The following R3HDM1 variants were observed in gnomAD, a reference collection of about 807,000 sequenced individuals.
R3HDM1 encodes the protein R3H domain-containing protein 1.
R3HDM1 carries 46 observed loss-of-function variants against 141.1 expected under a neutral mutation model. That is an observed-to-expected ratio of 0.33 (90% CI 0.26 to 0.42). R3HDM1 has a LOEUF of 0.42. Among genes scored for constraint, R3HDM1 ranks in the 10% least tolerant of loss-of-function variants. The probability of loss-of-function intolerance (pLI) is 1.00; values close to 1 mark genes in which losing one functional copy is unlikely to be tolerated. For synonymous variants in R3HDM1, 435 were observed against 472.9 expected (o/e 0.92, Z 1.04); for missense variants, 1,184 against 1,368.3 (o/e 0.87, Z 2.12).
chr2:135,685,221 T>C (rs1223527339), intron 21 of R3HDM1, among the ~76,000 whole-genome samples: 1 of 152,154 alleles, frequency 6.6e-6, no homozygotes, highest in Non-Finnish European at 1.5e-5. Context: ...TCTCTCTCCC[T>C]ACCCTACCAC....
chr2:135,547,467 T>A (rs1026248321), intron 1 of R3HDM1, among the ~76,000 whole-genome samples: 14 of 151,946 alleles, frequency 9.2e-5, no homozygotes, highest in Middle Eastern at 3.4e-3. Context: ...TTCTGGAGTT[T>A]CTAATTGTCT....
chr2:135,567,109 A>G (rs1303597217), intron 1 of R3HDM1, among the ~76,000 whole-genome samples: 1 of 152,152 alleles, frequency 6.6e-6, no homozygotes, highest in African/African-American at 2.4e-5. Context: ...TTTAATTTAA[A>G]AAGTGTCTGT....
At chr2:135,573,344 CTG>C (rs1222421976) in intron 1 of R3HDM1, among the ~76,000 whole-genome samples, 3 of 152,052 alleles carry the variant, frequency 2.0e-5, no homozygotes, top group East Asian at 1.9e-4. Context: ...TTCAGTATAA[CTG>C]TAACTAAAAA....
chr2:135,555,147 A>C (rs1223465532), intron 1 of R3HDM1, among the ~76,000 whole-genome samples: 1 of 152,034 alleles, frequency 6.6e-6, no homozygotes, highest in African/African-American at 2.4e-5. Context: ...TAAAAATACA[A>C]AAATTAGCCA....
At chr2:135,620,120 G>A (rs1192276268) in intron 5 of R3HDM1, 1 of 171,462 alleles carries the variant, frequency 5.8e-6, no homozygotes, top group African/African-American at 2.4e-5. Context: ...ATGGCTTTTT[G>A]AGGAGAGCTT....
chr2:135,615,214 T>G (rs539501714), intron 3 of R3HDM1, among the ~76,000 whole-genome samples: 1 of 151,850 alleles, frequency 6.6e-6, no homozygotes, highest in Non-Finnish European at 1.5e-5. Flanking sequence ...CTGTTGACTC[T>G]ACAAGGAAGG....
intron 18 of R3HDM1, among the ~76,000 whole-genome samples, chr2:135,654,606 G>A (rs2065569935): frequency 6.6e-6 from 1 of 151,868 alleles, no homozygotes; most frequent in Non-Finnish European, 1.5e-5. Flanking sequence ...GAGCCACCAT[G>A]CCCAACTAAT....
intron 1 of R3HDM1, chr2:135,550,040 A>G (rs182593839): frequency 1.0e-6 from 1 of 982,958 alleles, no homozygotes. Context: ...TTATATTCAT[A>G]AGACCCAAGT....
At chr2:135,554,327 T>C (rs1442294106) in intron 1 of R3HDM1, among the ~76,000 whole-genome samples, 1 of 152,242 alleles carries the variant, frequency 6.6e-6, no homozygotes, top group Non-Finnish European at 1.5e-5. Flanking sequence ...GGTTCATCCA[T>C]GTTGTAGCAT....
At chr2:135,638,528 A>T in intron 11 of R3HDM1, 90 bp from the exon 12 acceptor site, 1 of 1,294,926 alleles carries the variant, frequency 7.7e-7, no homozygotes. Context: ...ACATTATTAC[A>T]CATGATTTTT....
intron 3 of R3HDM1, among the ~76,000 whole-genome samples, chr2:135,611,749 T>A (rs2060569744): frequency 6.6e-6 from 1 of 152,216 alleles, no homozygotes; most frequent in African/African-American, 2.4e-5. Context: ...TAGGATTTGG[T>A]ACTCTTTCTA....
chr2:135,680,396 TA>T (rs2070058428), intron 21 of R3HDM1, 72 bp downstream of exon 21: 1 of 1,512,854 alleles, frequency 6.6e-7, no homozygotes, highest in African/African-American at 1.4e-5. Flanking sequence ...TTGCTAGTTT[TA>T]AAGTTGACTA....
chr2:135,707,517 G>A (rs1421512684), intron 21 of R3HDM1, among the ~76,000 whole-genome samples: 4 of 152,156 alleles, frequency 2.6e-5, no homozygotes, highest in South Asian at 2.1e-4. Context: ...AAATGAAATC[G>A]CAGTTTGTAA....
At chr2:135,537,532 C>G (rs188303782) in intron 1 of R3HDM1, among the ~76,000 whole-genome samples, 19 of 151,686 alleles carry the variant, frequency 1.3e-4, no homozygotes, top group African/African-American at 4.6e-4. Context: ...GTGATCTGCC[C>G]ACCTCAGCCT....
chr2:135,622,602 G>T, intron 6 of R3HDM1, 52 bp from the exon 7 acceptor site: 1 of 1,523,856 alleles, frequency 6.6e-7, no homozygotes, highest in Non-Finnish European at 8.8e-7. Context: ...AAAGGGAATG[G>T]GACTTGTTTT....
intron 1 of R3HDM1, among the ~76,000 whole-genome samples, chr2:135,577,709 G>T (rs1705783938): frequency 6.6e-6 from 1 of 151,500 alleles, no homozygotes; most frequent in South Asian, 2.1e-4. Flanking sequence ...GTGGTGGTGG[G>T]CGCCTGTAAT....
intron 21 of R3HDM1, among the ~76,000 whole-genome samples, chr2:135,688,309 T>TA (rs2071718927): frequency 6.6e-6 from 1 of 152,146 alleles, no homozygotes; most frequent in Admixed American, 6.5e-5. Context: ...GAATCAACAA[T>TA]ACAGTACATC....
intron 1 of R3HDM1, among the ~76,000 whole-genome samples, chr2:135,535,466 T>C (rs1219423033): frequency 6.6e-6 from 1 of 151,350 alleles, no homozygotes; most frequent in Non-Finnish European, 1.5e-5. Flanking sequence ...ACCACTGCAC[T>C]CCAGCCTGGC....
intron 1 of R3HDM1, among the ~76,000 whole-genome samples, chr2:135,539,395 G>T (rs961026941): frequency 1.3e-5 from 2 of 152,172 alleles, no homozygotes; most frequent in Non-Finnish European, 2.9e-5. Context: ...TGTTATGAAG[G>T]CTGTGATAAT....
Sources: gnomAD v4.1 joint callset for allele counts (sites outside exome capture counted in the v4.1 genomes callset) on GRCh38, gnomAD v4.1.1 for gene constraint, MANE v1.5 for transcripts, NCBI Gene and HGNC (gene_info 2026-07-23, HGNC 2026-07-21) for gene names.